NME7: variants seen among roughly 807,000 people sequenced by gnomAD.
NME7 encodes the protein NME/NM23 family member 7.
NME7 carries 41 observed loss-of-function variants against 49.1 expected under a neutral mutation model. The ratio of observed to expected loss-of-function variants is 0.83; its 90% CI spans 0.65 to 1.08. The LOEUF is 1.08. Among genes scored for constraint, NME7 ranks in the 50% least tolerant of loss-of-function variants. The probability of loss-of-function intolerance (pLI) is 0.00; values close to 1 mark genes in which losing one functional copy is unlikely to be tolerated. For synonymous variants in NME7, 139 were observed against 150.6 expected (o/e 0.92, Z 0.56); for missense variants, 423 against 463.4 (o/e 0.91, Z 0.80).
chr1:169,356,401 T>C (rs1212286409), intron 1 of NME7, among the ~76,000 whole-genome samples: 1 of 152,062 alleles, frequency 6.6e-6, no homozygotes, highest in Non-Finnish European at 1.5e-5. Flanking sequence ...GGAAGTCCTC[T>C]CTGATGAGGT....
chr1:169,213,642 A>C (rs1463521854), intron 10 of NME7, among the ~76,000 whole-genome samples: 1 of 152,094 alleles, frequency 6.6e-6, no homozygotes, highest in East Asian at 1.9e-4. Flanking sequence ...AAACATGCCA[A>C]ATGCTAAAGG....
intron 1 of NME7, among the ~76,000 whole-genome samples, chr1:169,336,230 A>G (rs4529780): frequency 0.52 from 79,359 of 151,772 alleles, 21,292 homozygotes; most frequent in Non-Finnish European, 0.58. Context: ...GCAGATCTTC[A>G]CGGTGAGTGT....
At chr1:169,289,779 A>G (rs765452249) in intron 6 of NME7, among the ~76,000 whole-genome samples, 29 of 152,184 alleles carry the variant, frequency 1.9e-4, no homozygotes, top group Admixed American at 3.3e-4. Context: ...TATAAAGCAT[A>G]AAGATTTTAC....
intron 1 of NME7, among the ~76,000 whole-genome samples, chr1:169,352,814 C>T (rs993096422): frequency 4.0e-5 from 6 of 151,702 alleles, no homozygotes; most frequent in Non-Finnish European, 7.4e-5. Context: ...TTACAATAGT[C>T]ATGAACAAAA....
At chr1:169,280,739 A>C (rs1394468909) in intron 7 of NME7, among the ~76,000 whole-genome samples, 1 of 147,730 alleles carries the variant, frequency 6.8e-6, no homozygotes, top group Non-Finnish European at 1.5e-5. Flanking sequence ...TGTGTGTGTC[A>C]GGTTTGTCAA....
intron 11 of NME7, among the ~76,000 whole-genome samples, chr1:169,147,003 G>A (rs1476860424): frequency 6.6e-6 from 1 of 152,312 alleles, no homozygotes; most frequent in Middle Eastern, 3.4e-3. Context: ...GGTAAGCACA[G>A]TGAAATCACA....
chr1:169,194,942 A>C (rs12728614), intron 10 of NME7, among the ~76,000 whole-genome samples: 36,426 of 152,078 alleles, frequency 0.24, 5,375 homozygotes, highest in Non-Finnish European at 0.34. Flanking sequence ...GGTGTTTAGA[A>C]TGTTACCACT....
At chr1:169,212,909 G>T (rs1660868898) in intron 10 of NME7, among the ~76,000 whole-genome samples, 1 of 152,090 alleles carries the variant, frequency 6.6e-6, no homozygotes, top group Non-Finnish European at 1.5e-5. Context: ...GATTATAGGT[G>T]TGAGCCACTA....
intron 7 of NME7, among the ~76,000 whole-genome samples, chr1:169,255,040 G>C (rs1319253884): frequency 7.4e-6 from 1 of 135,422 alleles, no homozygotes; most frequent in Non-Finnish European, 1.7e-5. Context: ...TGTATATTCT[G>C]TTGATTTGGG....
chr1:169,155,762 G>GTTT (rs34178237), intron 11 of NME7, among the ~76,000 whole-genome samples: 1 of 141,472 alleles, frequency 7.1e-6, no homozygotes, highest in Non-Finnish European at 1.5e-5. Context: ...TTACTGTTTA[G>GTTT]TTTTTTTTTT....
chr1:169,258,149 G>C (rs1649030526), intron 7 of NME7, among the ~76,000 whole-genome samples: 1 of 129,202 alleles, frequency 7.7e-6, no homozygotes. Context: ...GCCAGCCTGG[G>C]AACCATAGTG....
intron 7 of NME7, chr1:169,285,752 A>G (rs1315944141): frequency 6.6e-6 from 1 of 152,194 alleles, no homozygotes; most frequent in Admixed American, 6.6e-5. Context: ...TATATTCTCC[A>G]TAAGTGTTTG....
intron 7 of NME7, among the ~76,000 whole-genome samples, chr1:169,278,664 T>C (rs959636308): frequency 2.6e-5 from 4 of 152,198 alleles, no homozygotes; most frequent in Admixed American, 6.5e-5. Flanking sequence ...AGTTTGATCA[T>C]GTGAAGCCTT....
At chr1:169,345,842 T>C (rs977353595) in intron 1 of NME7, among the ~76,000 whole-genome samples, 7 of 152,166 alleles carry the variant, frequency 4.6e-5, no homozygotes, top group Admixed American at 1.3e-4. Context: ...AAGCCCCAAG[T>C]TGAAATCCTG....
intron 1 of NME7, among the ~76,000 whole-genome samples, chr1:169,346,318 C>T (rs1022991182): frequency 2.0e-5 from 3 of 152,186 alleles, no homozygotes; most frequent in Non-Finnish European, 4.4e-5. Context: ...CTCCAGTGAT[C>T]CGTCTGACTT....
At position 169,274,036 on chromosome 1, in the gene NME7, G is replaced by A. The variant is rs1406165576; in HGVS notation, c.754+13267C>T. ...TCTAGTTCTAGATCCCTGAGGAATCGCCACACTGACTTCCACAATGGTTGA... is the reference window on the plus strand; with the variant it reads ...TCTAGTTCTAGATCCCTGAGGAATCACCACACTGACTTCCACAATGGTTGA... On this transcript the variant is annotated intron_variant, in intron 7 of 11. Transcript: ENST00000367811. 4.6e-5 allele frequency among the ~76,000 whole-genome samples: 6 copies of A among 131,166 alleles called. 2 individuals carry two copies. Among genetic ancestry groups the A allele is most frequent in the Non-Finnish European group, 7.2e-5 (4 of 55,892 alleles). 86.0% of individuals were successfully genotyped at this position (131,166 alleles called of 152,430 possible). A position where few individuals can be genotyped will look rare whatever the true frequency, so the allele number is the denominator to read the frequency against.
At chr1:169,206,682 AAAATT>A (rs1444516119) in intron 10 of NME7, among the ~76,000 whole-genome samples, 1 of 152,168 alleles carries the variant, frequency 6.6e-6, no homozygotes, top group African/African-American at 2.4e-5. Flanking sequence ...ACTCTAAAAT[AAAATT>A]ATCAGAATAT....
chr1:169,251,504 T>G (rs545646172), intron 7 of NME7, among the ~76,000 whole-genome samples: 1 of 152,044 alleles, frequency 6.6e-6, no homozygotes, highest in African/African-American at 2.4e-5. Flanking sequence ...TGTGAGGTAC[T>G]GTTCCAGTTA....
chr1:169,356,124 T>C (rs554434555), intron 1 of NME7, among the ~76,000 whole-genome samples: 2 of 152,302 alleles, frequency 1.3e-5, no homozygotes, highest in Admixed American at 1.3e-4. Flanking sequence ...GAGGATTATC[T>C]TTCTTCCTTG....
Sources: allele counts gnomAD v4.1 joint callset (sites outside exome capture counted in the v4.1 genomes callset), GRCh38; gene constraint gnomAD v4.1.1; transcripts MANE v1.5; gene names NCBI Gene and HGNC (gene_info 2026-07-23, HGNC 2026-07-21).